PSD3: variants seen among roughly 807,000 people sequenced by gnomAD.
The protein encoded by PSD3 is pleckstrin and Sec7 domain containing 3, also known as PH and SEC7 domain-containing protein 3.
PSD3 carries 49 observed loss-of-function variants against 105.5 expected under a neutral mutation model. That is an observed-to-expected ratio of 0.46 (90% confidence interval 0.37 to 0.59). PSD3 has a LOEUF of 0.59. PSD3 is among the 20% of genes least tolerant of loss of function. The pLI, the probability that PSD3 is intolerant of heterozygous loss-of-function variation, is 0.00. For synonymous variants in PSD3, 557 were observed against 457.8 expected, an observed-to-expected ratio of 1.22 and a Z score of -2.77; for missense variants, 1,561 against 1,263.8, an observed-to-expected ratio of 1.24 and a Z score of -3.57.
In PSD3 at chr8:18,872,294, G is replaced by A. The variant is rs1203867260; in HGVS notation, c.570C>T (p.Gly190=). ...GAGGTATTTCTGGTAAATTTTTTTG[G>A]CCAGCAGGGAGCGTTTTGTTGACTC... ...TQRVNKTLPA[G]QKNLPEIPLS... The change falls in exon 3 of 16, where the codon GGC becomes GGT. Residue 190 remains glycine (G), a synonymous_variant. Coordinates refer to ENST00000327040, the MANE Select transcript of PSD3 (RefSeq NM_015310.4). 1 of 1,614,110 alleles carries A rather than the reference G, an allele frequency of 6.2e-7. No homozygotes were observed. The highest frequency in any genetic ancestry group is 2.2e-5 in the East Asian group (1 of 44,878).
intron 14 of PSD3, among the ~76,000 whole-genome samples, chr8:18,558,013 G>C (rs920571037): frequency 6.6e-6 from 1 of 152,202 alleles, no homozygotes; most frequent in Non-Finnish European, 1.5e-5. Flanking sequence ...AGGAGACACT[G>C]TGTGCAAGCA....
chr8:18,538,266 A>C (rs1312586349), intron 15 of PSD3, among the ~76,000 whole-genome samples: 1 of 152,258 alleles, frequency 6.6e-6, no homozygotes, highest in African/African-American at 2.4e-5. Context: ...ATTTCAATAA[A>C]GAAGTAACAA....
At chr8:18,689,471 T>C (rs958541283) in intron 9 of PSD3, among the ~76,000 whole-genome samples, 1 of 151,988 alleles carries the variant, frequency 6.6e-6, no homozygotes, top group Non-Finnish European at 1.5e-5. Flanking sequence ...AAAGTGGAAA[T>C]GAATTATAAA....
rs1433245281 is a variant in PSD3, at chr8:18,871,633, T to C, written c.1231A>G (p.Arg411Gly). 1 of 1,600,742 alleles carries C rather than the reference T, an allele frequency of 6.2e-7. No homozygotes were observed. The part of the protein sequence containing the change: ...LEKTPKPERD[R>G]ERISEQEEHV... Reference sequence around the variant, plus strand: ...GCTACTATGGGAGCTCACCTTTCCCTGTCTCTCTCTGGTTTAGGTGTCTTC... The same window carrying C: ...GCTACTATGGGAGCTCACCTTTCCCCGTCTCTCTCTGGTTTAGGTGTCTTC... Residue 411 changes from arginine to glycine, a missense_variant, in exon 3 of 16, where the codon AGG (arginine) becomes GGG (glycine). Arg to Gly is a moderately radical substitution (Grantham distance 125). Coordinates refer to ENST00000327040, the MANE Select transcript of PSD3 (RefSeq NM_015310.4).
At chr8:18,921,986 T>G (rs994910922) in intron 2 of PSD3, among the ~76,000 whole-genome samples, 1 of 152,178 alleles carries the variant, frequency 6.6e-6, no homozygotes, top group African/African-American at 2.4e-5. Flanking sequence ...AAAAGTTAGC[T>G]CAATATTTTA....
intron 8 of PSD3, among the ~76,000 whole-genome samples, chr8:18,777,139 T>C (rs1808178418): frequency 6.6e-6 from 1 of 151,984 alleles, no homozygotes; most frequent in South Asian, 2.1e-4. Context: ...GCCTCCTGGG[T>C]TCAAGCAATT....
intron 4 of PSD3, among the ~76,000 whole-genome samples, chr8:18,853,009 C>G (rs1452018680): frequency 6.6e-6 from 1 of 152,086 alleles, no homozygotes; most frequent in African/African-American, 2.4e-5. Flanking sequence ...TTGCTAGAGA[C>G]CAAACTGTAA....
intron 1 of PSD3, among the ~76,000 whole-genome samples, chr8:18,999,518 TA>T (rs1450399538): frequency 2.0e-5 from 3 of 149,092 alleles, no homozygotes; most frequent in South Asian, 2.2e-4. Flanking sequence ...CAAAATTATG[TA>T]ACTTAAATAT....
chr8:18,642,342 T>C (rs1295855876), intron 10 of PSD3, among the ~76,000 whole-genome samples: 1 of 152,142 alleles, frequency 6.6e-6, no homozygotes, highest in South Asian at 2.1e-4. Flanking sequence ...AAAATATACA[T>C]ATATGTATAA....
intron 14 of PSD3, among the ~76,000 whole-genome samples, chr8:18,570,919 GC>G (rs1215733595): frequency 6.6e-6 from 1 of 151,538 alleles, no homozygotes; most frequent in African/African-American, 2.4e-5. Context: ...GAATGCAGTG[GC>G]ATGATCTCGG....
intron 9 of PSD3, among the ~76,000 whole-genome samples, chr8:18,678,773 T>C (rs145052982): frequency 0.015 from 2,350 of 151,734 alleles, 44 homozygotes; most frequent in East Asian, 0.041. Flanking sequence ...GATTGTGCCA[T>C]TGCACTCCAG....
chr8:18,637,966 G>A (rs1051229591), intron 10 of PSD3, among the ~76,000 whole-genome samples: 4 of 151,976 alleles, frequency 2.6e-5, no homozygotes, highest in African/African-American at 4.8e-5. Context: ...GACCAGTCTG[G>A]CCAAAATGGT....
At chr8:18,641,110 A>C (rs1807610127) in intron 10 of PSD3, among the ~76,000 whole-genome samples, 1 of 152,036 alleles carries the variant, frequency 6.6e-6, no homozygotes, top group Non-Finnish European at 1.5e-5. Context: ...CTGTGTATAC[A>C]CTCCTCTAGC....
intron 1 of PSD3, among the ~76,000 whole-genome samples, chr8:18,972,302 A>C (rs1824699419): frequency 6.6e-6 from 1 of 152,228 alleles, no homozygotes; most frequent in Non-Finnish European, 1.5e-5. Context: ...TACTAAATAC[A>C]ACGCTGTTAT....
chr8:18,724,973 G>C (rs1411346139), intron 9 of PSD3, among the ~76,000 whole-genome samples: 1 of 152,136 alleles, frequency 6.6e-6, no homozygotes, highest in Non-Finnish European at 1.5e-5. Context: ...AAAAAGAAAA[G>C]TCATGTAAAA....
At chr8:18,677,374 TA>T (rs942340462) in intron 9 of PSD3, among the ~76,000 whole-genome samples, 3 of 152,016 alleles carry the variant, frequency 2.0e-5, no homozygotes, top group African/African-American at 7.3e-5. Context: ...GGCCAGGAAT[TA>T]AAGACCAGCC....
At chr8:18,661,344 T>C (rs993720014) in intron 9 of PSD3, among the ~76,000 whole-genome samples, 1 of 152,206 alleles carries the variant, frequency 6.6e-6, no homozygotes, top group Admixed American at 6.5e-5. Context: ...CTCATGCAGA[T>C]ACTTAGATCA....
At chr8:18,747,463 T>G (rs934020767) in intron 9 of PSD3, among the ~76,000 whole-genome samples, 2 of 152,220 alleles carry the variant, frequency 1.3e-5, no homozygotes, top group Admixed American at 6.5e-5. Flanking sequence ...GTCAGATGCA[T>G]TGTGGAAACA....
chr8:18,796,378 G>A (rs1041099695), intron 8 of PSD3, among the ~76,000 whole-genome samples: 13 of 152,078 alleles, frequency 8.5e-5, no homozygotes, highest in African/African-American at 3.1e-4. Context: ...CATGAACATT[G>A]TCTCATTCAC....
Sources: gnomAD v4.1 joint callset for allele counts (sites outside exome capture counted in the v4.1 genomes callset) on GRCh38, gnomAD v4.1.1 for gene constraint, MANE v1.5 for transcripts, NCBI Gene and HGNC (gene_info 2026-07-23, HGNC 2026-07-21) for gene names.